FAM200B: variants seen among roughly 807,000 people sequenced by gnomAD.
FAM200B encodes the protein zinc finger BED-type containing 11.
Under a neutral mutation model 33.1 loss-of-function variants are expected in FAM200B, and 32 were observed. That is an observed-to-expected ratio of 0.97 (90% CI 0.73 to 1.30). FAM200B has a LOEUF of 1.30. FAM200B is among the 50% of genes most tolerant of loss of function. FAM200B has a pLI of 0.00. For missense variants in FAM200B, 741 were observed against 754.0 expected, an observed-to-expected ratio of 0.98 and a Z score of 0.20; for synonymous variants, 240 against 264.8, an observed-to-expected ratio of 0.91 and a Z score of 0.91.
the FAM200B span, among the ~76,000 whole-genome samples, chr4:15,657,914 A>G: frequency 1.3e-5 from 2 of 152,208 alleles, no homozygotes; most frequent in Non-Finnish European, 2.9e-5. Context: ...GATAATTCCA[A>G]CAGACCATCT....
the FAM200B span, among the ~76,000 whole-genome samples, chr4:15,643,566 T>C: frequency 2.3e-5 from 2 of 88,390 alleles, no homozygotes; most frequent in African/African-American, 8.1e-5. Flanking sequence ...CCACTATGTC[T>C]GGCTAAATTT....
At chr4:15,681,767 G>A (rs1412241705), upstream of FAM200B, 1 of 152,990 alleles carries the variant, frequency 6.5e-6, no homozygotes, top group Non-Finnish European at 1.5e-5. Flanking sequence ...TTTTCGGCTG[G>A]AATGGGGAAT....
the FAM200B span, among the ~76,000 whole-genome samples, chr4:15,651,727 A>AT: frequency 1.3e-5 from 2 of 152,208 alleles, no homozygotes; most frequent in Non-Finnish European, 2.9e-5. Context: ...GTATAAATAA[A>AT]TTCTTTCATA....
chr4:15,669,568 A>C, the FAM200B span, among the ~76,000 whole-genome samples: 1 of 152,182 alleles, frequency 6.6e-6, no homozygotes, highest in Non-Finnish European at 1.5e-5. Flanking sequence ...ATTTCAAACA[A>C]ACATAAAAGT....
intron 1 of FAM200B, chr4:15,684,743 C>T (rs1718669062): frequency 6.6e-6 from 1 of 152,168 alleles, no homozygotes; most frequent in African/African-American, 2.4e-5. Context: ...GATGACCACC[C>T]ACTGTGCTGG....
chr4:15,690,082 T>A lies in FAM200B; in HGVS notation c.*1131T>A, dbSNP rs917379914. 23 of 167,128 alleles carry A rather than the reference T, an allele frequency of 1.4e-4. No individual in the cohort carries two copies. The highest frequency in any genetic ancestry group is 5.3e-4 in the African/African-American group (22 of 41,476). The allele number at this position is 167,128 out of a possible 1,614,324, so 10.4% of individuals were successfully genotyped here. A position where few individuals can be genotyped will look rare whatever the true frequency, so the allele number is the denominator to read the frequency against. On this transcript the variant is annotated 3_prime_UTR_variant, in exon 2 of 2. Transcript: ENST00000422728. ...AATTTGCAGTCATTCCCAAGAGTAA[T>A]TATTAAATATGTGGCAAATTTCTTT... is the stretch of plus-strand genomic sequence containing the variant.
intron 1 of FAM200B, among the ~76,000 whole-genome samples, chr4:15,682,847 A>G (rs556507527): frequency 7.7e-4 from 117 of 152,250 alleles, no homozygotes; most frequent in Non-Finnish European, 1.6e-3. Context: ...ATGAAAGTGC[A>G]TGAACTATTT....
chr4:15,681,318 C>CGGGGCT (rs1320396123), upstream of FAM200B: 1 of 157,178 alleles, frequency 6.4e-6, no homozygotes, highest in Non-Finnish European at 1.5e-5. Context: ...CCCGCCAGGT[C>CGGGGCT]GGGGCTGGGG....
chr4:15,687,261 A>G lies in FAM200B; in HGVS notation c.284A>G (p.Asn95Ser), dbSNP rs1560263449. The G allele has an allele frequency of 3.2e-5, 49 of 1,546,650 alleles. No individual in the cohort carries two copies. Among genetic ancestry groups the G allele is most frequent in the Non-Finnish European group, 4.2e-5 (48 of 1,145,338 alleles). The change falls in exon 2 of 2, where the codon AAT (asparagine) becomes AGT (serine). Residue 95 changes from asparagine to serine, a missense_variant. Coordinates refer to ENST00000422728, the MANE Select transcript of FAM200B (RefSeq NM_001145191.2). ...QCVICNNILA[N>S]ESLKPSKLKR... ...GTTATTTGTAATAATATTCTTGCGA[A>G]TGAAAGCTTAAAACCTTCGAAATTA...
chr4:15,652,998 A>G, the FAM200B span, among the ~76,000 whole-genome samples: 2 of 152,204 alleles, frequency 1.3e-5, no homozygotes, highest in East Asian at 3.8e-4. Flanking sequence ...AGATTACTGA[A>G]CCATTACAAA....
chr4:15,652,496 C>T, the FAM200B span, among the ~76,000 whole-genome samples: 3 of 152,072 alleles, frequency 2.0e-5, no homozygotes, highest in Non-Finnish European at 4.4e-5. Context: ...AAACTTTTTA[C>T]AGATGTAAAA....
chr4:15,655,962 G>C, the FAM200B span, among the ~76,000 whole-genome samples: 1 of 152,210 alleles, frequency 6.6e-6, no homozygotes, highest in East Asian at 1.9e-4. Flanking sequence ...CCCACAGCGG[G>C]CGCGGGGCCT....
At chr4:15,648,717 G>C in the FAM200B span, among the ~76,000 whole-genome samples, 4 of 152,130 alleles carry the variant, frequency 2.6e-5, no homozygotes, top group Admixed American at 2.0e-4. Flanking sequence ...AGGGGATGGA[G>C]AAAATGGGGA....
chr4:15,644,979 G>T, the FAM200B span, among the ~76,000 whole-genome samples: 2 of 152,192 alleles, frequency 1.3e-5, no homozygotes, highest in South Asian at 2.1e-4. Flanking sequence ...AAAGAGAAGA[G>T]ATTAAACCAG....
upstream of FAM200B, among the ~76,000 whole-genome samples, chr4:15,678,229 A>T (rs4301111): frequency 0.24 from 36,731 of 152,066 alleles, 4,678 homozygotes; most frequent in African/African-American, 0.28. Flanking sequence ...GATTGCCTGG[A>T]TTTTCTCATT....
the FAM200B span, among the ~76,000 whole-genome samples, chr4:15,653,506 C>T: frequency 6.6e-6 from 1 of 152,256 alleles, no homozygotes; most frequent in African/African-American, 2.4e-5. Flanking sequence ...AAGCTACAAA[C>T]ACCCTAGGAA....
the FAM200B span, among the ~76,000 whole-genome samples, chr4:15,647,400 T>C: frequency 6.6e-6 from 1 of 152,136 alleles, no homozygotes; most frequent in Non-Finnish European, 1.5e-5. Flanking sequence ...GCAAATACTA[T>C]GCTATTTTAT....
chr4:15,661,349 T>G, the FAM200B span, among the ~76,000 whole-genome samples: 1 of 152,242 alleles, frequency 6.6e-6, no homozygotes, highest in South Asian at 2.1e-4. Context: ...TGTAAAGGGA[T>G]AGTGAGTCTC....
chr4:15,659,769 C>A, the FAM200B span: 8 of 982,878 alleles, frequency 8.1e-6, no homozygotes, highest in Non-Finnish European at 9.7e-6. Context: ...AAGTGAACAC[C>A]AAAATCTTGA....
Sources: allele counts gnomAD v4.1 joint callset (sites outside exome capture counted in the v4.1 genomes callset), GRCh38; gene constraint gnomAD v4.1.1; transcripts MANE v1.5; gene names NCBI Gene and HGNC (gene_info 2026-07-23, HGNC 2026-07-21).